Variants in PI4K2B observed in about 807,000 individuals in gnomAD.
PI4K2B encodes the protein phosphatidylinositol 4-kinase type 2-beta.
Under a neutral mutation model 56.6 loss-of-function variants are expected in PI4K2B, and 46 were observed. That is an observed-to-expected ratio of 0.81 (90% CI 0.64 to 1.04). The LOEUF is 1.04. PI4K2B is among the 50% of genes least tolerant of loss of function. The pLI is 0.00. For synonymous variants in PI4K2B, 211 were observed against 223.8 expected, an observed-to-expected ratio of 0.94 and a Z score of 0.51; for missense variants, 556 against 607.7, an observed-to-expected ratio of 0.91 and a Z score of 0.89.
chr4:25,266,706 G>A (rs181776419), intron 7 of PI4K2B, among the ~76,000 whole-genome samples: 1 of 152,294 alleles, frequency 6.6e-6, no homozygotes, highest in East Asian at 1.9e-4. Context: ...GCTTGAAAAG[G>A]AATTGGTAGT....
intron 3 of PI4K2B, among the ~76,000 whole-genome samples, chr4:25,255,933 T>C (rs1454638637): frequency 6.6e-6 from 1 of 151,442 alleles, no homozygotes; most frequent in African/African-American, 2.4e-5. Flanking sequence ...TCTGTTCTTT[T>C]CTTTTTTTTG....
chr4:25,268,402 C>T (rs755127634), intron 7 of PI4K2B, 41 bp from the exon 8 acceptor site: 42 of 1,538,314 alleles, frequency 2.7e-5, no homozygotes, highest in Non-Finnish European at 3.6e-5. Context: ...CTAAATAAAC[C>T]ATTTCCTACC....
intron 9 of PI4K2B, among the ~76,000 whole-genome samples, chr4:25,273,736 CA>C (rs1716998822): frequency 1.3e-5 from 2 of 152,212 alleles, no homozygotes; most frequent in Non-Finnish European, 2.9e-5. Flanking sequence ...CACGCTGAAA[CA>C]AGAACAATCT....
At chr4:25,274,887 C>T (rs983211728) in intron 9 of PI4K2B, among the ~76,000 whole-genome samples, 1 of 152,176 alleles carries the variant, frequency 6.6e-6, no homozygotes, top group African/African-American at 2.4e-5. Context: ...CCTCTGCCAC[C>T]CAGGTTCAAG....
At chr4:25,275,913 G>A (rs567826705) in intron 9 of PI4K2B, among the ~76,000 whole-genome samples, 1 of 152,046 alleles carries the variant, frequency 6.6e-6, no homozygotes, top group Non-Finnish European at 1.5e-5. Context: ...GATCAGCCCT[G>A]GCAACATAGC....
chr4:25,246,743 C>T (rs1022913260), intron 1 of PI4K2B, among the ~76,000 whole-genome samples: 16 of 152,216 alleles, frequency 1.1e-4, no homozygotes, highest in African/African-American at 9.7e-5. Context: ...CAGGCATGGC[C>T]GGCTGCAGGT....
At chr4:25,240,878 T>C in intron 1 of PI4K2B, among the ~76,000 whole-genome samples, 1 of 152,172 alleles carries the variant, frequency 6.6e-6, no homozygotes, top group East Asian at 1.9e-4. Context: ...TGTCTCCTTC[T>C]CTTTGTCTCT....
intron 1 of PI4K2B, among the ~76,000 whole-genome samples, chr4:25,237,254 A>G (rs1715300173): frequency 6.6e-6 from 1 of 152,250 alleles, no homozygotes; most frequent in Non-Finnish European, 1.5e-5. Context: ...GCTAATGCCT[A>G]CATAGCAGTT....
chr4:25,237,891 GAAAAAA>G (rs540616642), intron 1 of PI4K2B, among the ~76,000 whole-genome samples: 1 of 151,936 alleles, frequency 6.6e-6, no homozygotes, highest in Admixed American at 6.5e-5. Context: ...TGTCTCAAAA[GAAAAAA>G]AGAAAAAGCA....
Position 25,260,663 on chromosome 4 carries a change from CAT to C in PI4K2B, c.978+74_978+75del, listed in dbSNP as rs1416100818. The stretch of plus-strand genomic sequence containing the variant: ...ATATACACACACACACACACACACA[CAT>C]ACACACACACACGTGTATATAATTG... On this transcript the variant is annotated intron_variant, in intron 6 of 9. Coordinates refer to ENST00000264864, the MANE Select transcript of PI4K2B (RefSeq NM_018323.4). 722 of 318,410 alleles carry C rather than the reference CAT, an allele frequency of 2.3e-3. 9 individuals carry two copies. Among genetic ancestry groups the C allele is most frequent in the African/African-American group, 0.014 (623 of 44,358 alleles). The allele number at this position is 318,410 out of a possible 1,614,324, so 19.7% of individuals were successfully genotyped here. A position where few individuals can be genotyped will look rare whatever the true frequency, so the allele number is the denominator to read the frequency against.
chr4:25,240,309 G>A (rs952292175), intron 1 of PI4K2B, among the ~76,000 whole-genome samples: 2 of 152,216 alleles, frequency 1.3e-5, no homozygotes, highest in Non-Finnish European at 2.9e-5. Context: ...GGCCTTGGCG[G>A]TTTTGGAGAT....
intron 1 of PI4K2B, among the ~76,000 whole-genome samples, chr4:25,234,742 C>G (rs150793497): frequency 6.6e-6 from 1 of 152,202 alleles, no homozygotes; most frequent in African/African-American, 2.4e-5. Context: ...TGTAAAATGA[C>G]GTAAGTCCTT....
rs1352431971 is a variant in PI4K2B, at chr4:25,234,442, G to C, written c.268+11G>C. On this transcript the variant is annotated intron_variant, in intron 1 of 9. Transcript: ENST00000264864. ...GCCCCGCGGTTTCAGGTGCGACCCGGCCCTGCCCCACTCCCCGCGCCCCTC... is the reference window on the plus strand; with the variant it reads ...GCCCCGCGGTTTCAGGTGCGACCCGCCCCTGCCCCACTCCCCGCGCCCCTC... The C allele has an allele frequency of 4.7e-6, 6 of 1,288,522 alleles. No homozygotes were observed. The East Asian group carries it at 1.9e-4, about 41-fold the overall frequency. The allele number at this position is 1,288,522 out of a possible 1,614,324, so 79.8% of individuals were successfully genotyped here.
intron 1 of PI4K2B, among the ~76,000 whole-genome samples, chr4:25,249,784 C>A (rs1452656158): frequency 6.6e-6 from 1 of 151,946 alleles, no homozygotes; most frequent in Non-Finnish European, 1.5e-5. Flanking sequence ...GATGGGCGGC[C>A]AGGCAGAGAC....
At chr4:25,239,124 C>G (rs1292165110) in intron 1 of PI4K2B, among the ~76,000 whole-genome samples, 1 of 152,210 alleles carries the variant, frequency 6.6e-6, no homozygotes, top group African/African-American at 2.4e-5. Flanking sequence ...AATCCCTTAG[C>G]TAGACATAAA....
chr4:25,247,711 CT>C (rs111513370), intron 1 of PI4K2B, among the ~76,000 whole-genome samples: 68 of 146,734 alleles, frequency 4.6e-4, no homozygotes, highest in East Asian at 4.0e-4. Context: ...CCTCAAGTTT[CT>C]TTTTTTTTTT....
rs139854766 is a variant in PI4K2B, at chr4:25,252,344, A to G, written c.292A>G (p.Asn98Asp). The G allele has an allele frequency of 6.2e-7, 1 of 1,610,798 alleles. No homozygotes were observed. The change falls in exon 2 of 10, where the codon AAT (asparagine) becomes GAT (aspartate). Residue 98 changes from asparagine to aspartate, a missense_variant. Coordinates refer to ENST00000264864, the MANE Select transcript of PI4K2B (RefSeq NM_018323.4). ...AGTAACTATTGGTACTTCAGAGATG[A>G]ATGCATTCTTGGATGACCCAGAATT... ...VSVTIGTSEM[N>D]AFLDDPEFAD...
intron 3 of PI4K2B, among the ~76,000 whole-genome samples, chr4:25,255,744 C>T (rs922516587): frequency 6.6e-6 from 1 of 151,818 alleles, no homozygotes; most frequent in Non-Finnish European, 1.5e-5. Context: ...ACTACAGGCA[C>T]ATACCATCAT....
chr4:25,256,739 C>G (rs553914176), intron 4 of PI4K2B, 65 bp downstream of exon 4: 42 of 1,427,024 alleles, frequency 2.9e-5, no homozygotes, highest in Non-Finnish European at 3.8e-5. Context: ...GCTCTAGGAG[C>G]CAGGCATTGT....
Sources: gnomAD v4.1 joint callset for allele counts (sites outside exome capture counted in the v4.1 genomes callset) on GRCh38, gnomAD v4.1.1 for gene constraint, MANE v1.5 for transcripts, NCBI Gene and HGNC (gene_info 2026-07-23, HGNC 2026-07-21) for gene names.